LARP1: variants seen among roughly 807,000 people sequenced by gnomAD.
The protein encoded by LARP1 is la-related protein 1.
LARP1 carries 36 observed loss-of-function variants against 122.7 expected under a neutral mutation model. The ratio of observed to expected loss-of-function variants is 0.29; its 90% CI spans 0.22 to 0.39. LARP1 has a LOEUF of 0.39. Among genes scored for constraint, LARP1 ranks in the 10% least tolerant of loss-of-function variants. LARP1 has a pLI of 1.00. For synonymous variants in LARP1, 539 were observed against 528.7 expected (o/e 1.02, Z -0.27); for missense variants, 1,040 against 1,403.6 (o/e 0.74, Z 4.14).
chr5:154,706,295 A>AAATAATAAT lies in LARP1; in HGVS notation c.-180+23291_-180+23299dup, dbSNP rs138415109. On this transcript the variant is annotated intron_variant, in intron 1 of 18. Transcript: ENST00000687700. ...GGAGACAGAGTGCGACTTTGTCTCA[A>AAATAATAAT]AATAATAATAATAATAATAATAATA... is the stretch of plus-strand genomic sequence containing the variant. Among the ~76,000 whole-genome samples the AAATAATAAT allele has an allele frequency of 7.5e-3, 1,063 of 142,676 alleles. 11 individuals carry two copies. Among genetic ancestry groups the AAATAATAAT allele is most frequent in the African/African-American group, 0.023 (901 of 38,514 alleles). 93.6% of individuals were successfully genotyped at this position (142,676 alleles called of 152,430 possible).
At chr5:154,691,155 G>C (rs1371259680) in intron 1 of LARP1, among the ~76,000 whole-genome samples, 3 of 151,806 alleles carry the variant, frequency 2.0e-5, no homozygotes, top group African/African-American at 7.3e-5. Context: ...CCAGCTACTC[G>C]GGAGGCTGAG....
intron 1 of LARP1, among the ~76,000 whole-genome samples, chr5:154,783,998 G>A (rs1419325582): frequency 6.6e-6 from 1 of 152,186 alleles, no homozygotes; most frequent in East Asian, 1.9e-4. Context: ...TCAGGCAGTT[G>A]GGTTGCCTGT....
At chr5:154,759,653 G>A (rs1390533933) in intron 1 of LARP1, among the ~76,000 whole-genome samples, 1 of 152,162 alleles carries the variant, frequency 6.6e-6, no homozygotes, top group Non-Finnish European at 1.5e-5. Context: ...ATGTAGTGCC[G>A]TGAGACTTGA....
chr5:154,799,310 A>G (rs181477033), intron 8 of LARP1, among the ~76,000 whole-genome samples: 51 of 152,274 alleles, frequency 3.3e-4, no homozygotes, highest in Admixed American at 5.9e-4. Context: ...TATTATACAT[A>G]CTGCTCCCTG....
chr5:154,703,181 C>A (rs1754801681), intron 1 of LARP1, among the ~76,000 whole-genome samples: 1 of 146,428 alleles, frequency 6.8e-6, no homozygotes, highest in African/African-American at 2.5e-5. Flanking sequence ...GATGAGCCTG[C>A]TTTCCCTCAT....
At position 154,794,133 on chromosome 5, in the gene LARP1, T is replaced by A. The variant is rs1162068192; in HGVS notation, c.1103T>A (p.Phe368Tyr). The A allele has an allele frequency of 1.2e-6, 2 of 1,614,188 alleles. No individual in the cohort carries two copies. The highest frequency in any genetic ancestry group is 4.5e-5 in the East Asian group (2 of 44,870). Reference protein sequence around the residue: ...HFDYQFGYRKFDGVEGPRTPK... With the variant: ...HFDYQFGYRKYDGVEGPRTPK... Reference sequence around the variant, plus strand: ...GACTACCAGTTTGGCTACCGAAAGTTTGATGGTGTGGAGGGGCCTCGTACG... The same window carrying A: ...GACTACCAGTTTGGCTACCGAAAGTATGATGGTGTGGAGGGGCCTCGTACG... The change falls in exon 7 of 19, where the codon TTT (phenylalanine) becomes TAT (tyrosine). Residue 368 changes from phenylalanine to tyrosine, a missense_variant. Coordinates refer to ENST00000518297, the MANE Select transcript of LARP1 (RefSeq NM_033551.3).
At chr5:154,691,277 A>G (rs1419118775) in intron 1 of LARP1, among the ~76,000 whole-genome samples, 1 of 148,672 alleles carries the variant, frequency 6.7e-6, no homozygotes, top group African/African-American at 2.5e-5. Flanking sequence ...AAAAAAAAAG[A>G]AAGAAAGTAT....
intron 1 of LARP1, among the ~76,000 whole-genome samples, chr5:154,734,433 A>G (rs1410357364): frequency 6.6e-6 from 1 of 152,214 alleles, no homozygotes; most frequent in East Asian, 1.9e-4. Context: ...AAAAAGTTAC[A>G]GAGTACAGAT....
chr5:154,797,603 TC>T (rs757410797), intron 8 of LARP1, among the ~76,000 whole-genome samples: 2 of 152,106 alleles, frequency 1.3e-5, no homozygotes, highest in Non-Finnish European at 2.9e-5. Flanking sequence ...ACTGCTTTCT[TC>T]CATGCCCATA....
upstream of LARP1, among the ~76,000 whole-genome samples, chr5:154,712,116 A>G (rs1755249022): frequency 6.6e-6 from 1 of 152,204 alleles, no homozygotes. Context: ...ACTAAAACAG[A>G]GCCTGACACA....
At chr5:154,732,158 T>C (rs1199192271) in intron 1 of LARP1, among the ~76,000 whole-genome samples, 1 of 137,400 alleles carries the variant, frequency 7.3e-6, no homozygotes, top group Admixed American at 8.4e-5. Flanking sequence ...AGAGCAAGAC[T>C]CTAGCTAAAA....
rs1338948617 is a variant in LARP1, at chr5:154,790,748, C to T, written c.564+38C>T. ...GGAAGAATAGGCAGGTTTGAAGTCT[C>T]TTGACATACACACATTTAGCTCCTC... On this transcript the variant is annotated intron_variant, in intron 3 of 18. Transcript: ENST00000518297. 1.9e-6 allele frequency: 3 copies of T among 1,564,052 alleles called. No homozygotes were observed. In the East Asian group the frequency reaches 6.7e-5, roughly 35 times the overall value.
chr5:154,720,542 C>CT (rs1327158815), intron 1 of LARP1, among the ~76,000 whole-genome samples: 1 of 151,982 alleles, frequency 6.6e-6, no homozygotes, highest in Admixed American at 6.6e-5. Flanking sequence ...TAGGGAAACT[C>CT]TATCTCTAAA....
chr5:154,799,061 A>C (rs1451305078), intron 8 of LARP1, among the ~76,000 whole-genome samples: 2 of 152,094 alleles, frequency 1.3e-5, no homozygotes, highest in African/African-American at 4.8e-5. Context: ...ATGGGGTTTC[A>C]CCATGTTGGC....
intron 1 of LARP1, among the ~76,000 whole-genome samples, chr5:154,743,955 C>T (rs573770023): frequency 1.2e-4 from 19 of 152,298 alleles, no homozygotes; most frequent in Non-Finnish European, 2.2e-4. Context: ...AAGTGATTTC[C>T]GCTTTCTCCA....
chr5:154,773,826 G>A (rs147778150), intron 1 of LARP1, among the ~76,000 whole-genome samples: 1 of 152,308 alleles, frequency 6.6e-6, no homozygotes, highest in Non-Finnish European at 1.5e-5. Context: ...CCTGTCTCTT[G>A]GGGAGAACAA....
chr5:154,773,414 C>G (rs1461490046), intron 1 of LARP1, among the ~76,000 whole-genome samples: 1 of 152,180 alleles, frequency 6.6e-6, no homozygotes, highest in African/African-American at 2.4e-5. Context: ...TGTGAAGGCA[C>G]ATACCCAGCT....
At chr5:154,790,604 A>G (rs544499535) in intron 2 of LARP1, 41 bp from the exon 3 acceptor site, 11 of 1,606,776 alleles carry the variant, frequency 6.8e-6, no homozygotes, top group African/African-American at 4.0e-5. Context: ...TAGCAAAGAC[A>G]GGGTCACTCC....
At chr5:154,788,140 C>G (rs1757035074) in intron 1 of LARP1, among the ~76,000 whole-genome samples, 1 of 152,150 alleles carries the variant, frequency 6.6e-6, no homozygotes, top group South Asian at 2.1e-4. Flanking sequence ...ATATATGAAC[C>G]TGGTCCTGGT....
Sources: gnomAD v4.1 joint callset for allele counts (sites outside exome capture counted in the v4.1 genomes callset) on GRCh38, gnomAD v4.1.1 for gene constraint, MANE v1.5 for transcripts, NCBI Gene and HGNC (gene_info 2026-07-23, HGNC 2026-07-21) for gene names.